Variants in OSTN observed in about 807,000 individuals in gnomAD.
OSTN encodes the protein osteocrin.
In OSTN, 9 loss-of-function variants were observed where a neutral mutation model predicts 12.0. The ratio of observed to expected loss-of-function variants is 0.75; its 90% confidence interval spans 0.45 to 1.30. The LOEUF (loss-of-function observed/expected upper bound fraction) is 1.30. OSTN is among the 50% of genes most tolerant of loss of function. OSTN has a pLI of 0.00. For missense variants in OSTN, 148 were observed against 152.3 expected (o/e 0.97, Z 0.15); for synonymous variants, 59 against 56.9 (o/e 1.04, Z -0.16).
At chr3:191,262,219 AAAAAG>A (rs1332519176) in intron 4 of OSTN, among the ~76,000 whole-genome samples, 1 of 152,214 alleles carries the variant, frequency 6.6e-6, no homozygotes, top group Non-Finnish European at 1.5e-5. Flanking sequence ...TCAAAAAAGA[AAAAAG>A]AAAAGAAACG....
At position 191,263,057 on chromosome 3, in the gene OSTN, A is replaced by T; in HGVS notation, c.*204A>T. 1.9e-6 allele frequency: 1 copy of T among 513,106 alleles called. No individual in the cohort carries two copies. The highest frequency in any genetic ancestry group is 3.2e-5 in the South Asian group (1 of 31,352). 31.8% of individuals were successfully genotyped at this position (513,106 alleles called of 1,614,324 possible). A position where few individuals can be genotyped will look rare whatever the true frequency, so the allele number is the denominator to read the frequency against. ...TTGTGTAAATCATTTTGATGCACGT[A>T]CATTTTAAAATTATATATTTTAATT... is the stretch of plus-strand genomic sequence containing the variant. On this transcript the variant is annotated 3_prime_UTR_variant, in exon 5 of 5. Transcript: ENST00000682035.
At chr3:191,248,024 G>A (rs1287240980) in intron 3 of OSTN, among the ~76,000 whole-genome samples, 9 of 151,858 alleles carry the variant, frequency 5.9e-5, no homozygotes, top group Non-Finnish European at 1.3e-4. Context: ...AGTAGAGATG[G>A]GGTTTCACCA....
intron 3 of OSTN, among the ~76,000 whole-genome samples, chr3:191,240,045 A>T (rs1397302480): frequency 1.9e-4 from 29 of 152,210 alleles, no homozygotes; most frequent in Non-Finnish European, 1.5e-5. Flanking sequence ...CTATACATTG[A>T]TCACTCATAT....
intron 2 of OSTN, among the ~76,000 whole-genome samples, chr3:191,218,368 T>TCA (rs763602315): frequency 6.6e-6 from 1 of 152,166 alleles, no homozygotes; most frequent in Admixed American, 6.5e-5. Context: ...ACACCTGCAA[T>TCA]CACAGCACTT....
intron 3 of OSTN, among the ~76,000 whole-genome samples, chr3:191,230,448 C>T (rs1459224477): frequency 2.0e-5 from 3 of 151,230 alleles, no homozygotes; most frequent in East Asian, 1.9e-4. Context: ...CCTGTAGCCC[C>T]AGCTACTCAG....
rs1451724022 is a variant in OSTN, at chr3:191,263,947, A to C, written c.*1094A>C. The C allele has an allele frequency of 8.6e-6, 1 of 116,102 alleles. No homozygotes were observed. The highest frequency in any genetic ancestry group is 2.1e-5 in the Non-Finnish European group (1 of 47,566). The allele number at this position is 116,102 out of a possible 1,614,324, so 7.2% of individuals were successfully genotyped here. A position where few individuals can be genotyped will look rare whatever the true frequency, so the allele number is the denominator to read the frequency against. On this transcript the variant is annotated 3_prime_UTR_variant, in exon 5 of 5. Transcript: ENST00000682035. ...TGTGCATTGGATATACTTTGAAAAC[A>C]CACAAAAAAAACTTTCTATGGAACA...
chr3:191,199,985 T>C (rs1290218286), intron 1 of OSTN, among the ~76,000 whole-genome samples: 1 of 152,156 alleles, frequency 6.6e-6, no homozygotes, highest in Non-Finnish European at 1.5e-5. Context: ...GTGCACTCAG[T>C]GAATTCAGTT....
At position 191,227,341 on chromosome 3, in the gene OSTN, A is replaced by G. The variant is rs1714938695; in HGVS notation, c.317+8380A>G. Among the ~76,000 whole-genome samples, 4 of 152,154 alleles carry G rather than the reference A, an allele frequency of 2.6e-5. No individual in the cohort carries two copies. The South Asian group carries it at 8.3e-4, about 32-fold the overall frequency. On this transcript the variant is annotated intron_variant, in intron 3 of 4. Transcript: ENST00000682035. ...AAATGGATTTTTGAAAAACCAAAAT[A>G]ATTACTGAGGCTATGAGAAAAAGGC...
intron 1 of OSTN, 132 bp from the exon 2 acceptor site, chr3:191,212,401 G>A (rs1372468030): frequency 2.7e-6 from 1 of 372,058 alleles, no homozygotes; most frequent in Non-Finnish European, 5.0e-6. Context: ...GTTTTGTAGA[G>A]ATGCACTCAA....
At chr3:191,213,636 G>A (rs1366984043) in intron 2 of OSTN, among the ~76,000 whole-genome samples, 1 of 151,876 alleles carries the variant, frequency 6.6e-6, no homozygotes, top group Admixed American at 6.6e-5. Flanking sequence ...CAAAGAAAAA[G>A]AAATGTGAGG....
chr3:191,251,135 T>G (rs1441943069), intron 4 of OSTN, among the ~76,000 whole-genome samples: 1 of 152,178 alleles, frequency 6.6e-6, no homozygotes, highest in East Asian at 1.9e-4. Context: ...AATTTATTAA[T>G]AAGTATTAGT....
chr3:191,209,005 A>G (rs913952849), intron 1 of OSTN, among the ~76,000 whole-genome samples: 4 of 152,098 alleles, frequency 2.6e-5, no homozygotes, highest in African/African-American at 9.7e-5. Context: ...CAAAAATACA[A>G]AAAATTAGCT....
At chr3:191,238,337 G>A (rs1715243565) in intron 3 of OSTN, among the ~76,000 whole-genome samples, 1 of 152,102 alleles carries the variant, frequency 6.6e-6, no homozygotes, top group Non-Finnish European at 1.5e-5. Flanking sequence ...CATGCAGGAG[G>A]GGGAAAAATG....
At chr3:191,210,694 C>G in intron 1 of OSTN, among the ~76,000 whole-genome samples, 1 of 152,170 alleles carries the variant, frequency 6.6e-6, no homozygotes, top group Admixed American at 6.5e-5. Flanking sequence ...TTGCTCTTTA[C>G]CCCCAGCAGG....
intron 4 of OSTN, among the ~76,000 whole-genome samples, chr3:191,261,723 G>T (rs1049104399): frequency 6.6e-6 from 1 of 152,288 alleles, no homozygotes; most frequent in Admixed American, 6.5e-5. Flanking sequence ...TTGAAAGGAC[G>T]ATAATTTGCT....
intron 3 of OSTN, among the ~76,000 whole-genome samples, chr3:191,230,648 A>G (rs1715031544): frequency 6.6e-6 from 1 of 152,102 alleles, no homozygotes; most frequent in Admixed American, 6.5e-5. Context: ...AAGAATAAGA[A>G]ATGGGACAAG....
intron 1 of OSTN, among the ~76,000 whole-genome samples, chr3:191,200,884 G>A (rs1296756860): frequency 1.3e-5 from 2 of 152,086 alleles, no homozygotes; most frequent in African/African-American, 4.8e-5. Context: ...ACAAGCTTTG[G>A]AGGCAGAAAA....
intron 1 of OSTN, among the ~76,000 whole-genome samples, chr3:191,210,747 A>T (rs1714398303): frequency 6.6e-6 from 1 of 152,122 alleles, no homozygotes; most frequent in African/African-American, 2.4e-5. Flanking sequence ...GTTTCTTGAG[A>T]CTTGTCATTC....
At chr3:191,248,021 A>G (rs1203332409) in intron 3 of OSTN, among the ~76,000 whole-genome samples, 1 of 152,014 alleles carries the variant, frequency 6.6e-6, no homozygotes, top group Non-Finnish European at 1.5e-5. Context: ...TTTAGTAGAG[A>G]TGGGGTTTCA....
Sources: allele counts gnomAD v4.1 joint callset (sites outside exome capture counted in the v4.1 genomes callset), GRCh38; gene constraint gnomAD v4.1.1; transcripts MANE v1.5; gene names NCBI Gene and HGNC (gene_info 2026-07-23, HGNC 2026-07-21).